Variants in SH3PXD2B observed in about 807,000 individuals in gnomAD.
The protein encoded by SH3PXD2B is SH3 and PX domain-containing protein 2B.
A neutral mutation model predicts 73.1 loss-of-function variants in SH3PXD2B; 37 were observed. The ratio of observed to expected loss-of-function variants is 0.51; its 90% CI spans 0.39 to 0.67. The LOEUF is 0.67. Ranked by LOEUF, SH3PXD2B falls within the 30% of genes least tolerant of loss-of-function variation. SH3PXD2B has a pLI of 0.00. For missense variants in SH3PXD2B, 1,053 were observed against 1,197.8 expected (o/e 0.88, Z 1.78); for synonymous variants, 457 against 480.5 (o/e 0.95, Z 0.64).
rs1394408957 is a variant in SH3PXD2B, at chr5:172,353,500, A to T, written c.785+388T>A. ...AGGGCAGATTATCAGCCTAGGACGA[A>T]TTACAGTCCATGAGTGTTTATGCAC... On this transcript the variant is annotated intron_variant, in intron 9 of 12. Transcript: ENST00000311601. This position sits in a 1 kb window ranked among gnomAD's most constrained non-coding sequence, Gnocchi z 4.3. Among the ~76,000 whole-genome samples the T allele has an allele frequency of 6.6e-6, 1 of 152,166 alleles. No individual in the cohort carries two copies. Among genetic ancestry groups the T allele is most frequent in the African/African-American group, 2.4e-5 (1 of 41,440 alleles).
chr5:172,351,174 G>A (rs1168763187), intron 9 of SH3PXD2B, among the ~76,000 whole-genome samples: 2 of 152,152 alleles, frequency 1.3e-5, no homozygotes, highest in Non-Finnish European at 2.9e-5. Flanking sequence ...CTGTCACCCA[G>A]GCCAGAGTGC....
Position 172,439,267 on chromosome 5 carries a change from AAACAAAAACAAAACAAAAAAAAAACC to A in SH3PXD2B, c.75+14985_75+15010del, listed in dbSNP as rs1561583449. On this transcript the variant is annotated intron_variant, in intron 1 of 12. Coordinates refer to ENST00000311601, the MANE Select transcript of SH3PXD2B (RefSeq NM_001017995.3). The stretch of plus-strand genomic sequence containing the variant: ...AAAAAAAAAGAAAAAAAAAAAACAA[AAACAAAAACAAAACAAAAAAAAAACC>A]CCAAAAAAAAACCACAGGCATCGGC... Among the ~76,000 whole-genome samples, 142 of 62,916 alleles carry A rather than the reference AAACAAAAACAAAACAAAAAAAAAACC, an allele frequency of 2.3e-3. 6 individuals carry two copies. The highest frequency in any genetic ancestry group is 8.5e-3 in the African/African-American group (133 of 15,672). 41.3% of individuals were successfully genotyped at this position (62,916 alleles called of 152,430 possible). A position where few individuals can be genotyped will look rare whatever the true frequency, so the allele number is the denominator to read the frequency against.
chr5:172,440,428 A>G (rs1759530625), intron 1 of SH3PXD2B, among the ~76,000 whole-genome samples: 1 of 152,188 alleles, frequency 6.6e-6, no homozygotes. Flanking sequence ...CTGTGCCTGG[A>G]TCAGGAGTCT....
rs575292469 is a variant in SH3PXD2B at position 172,381,018 on chromosome 5, A to T, written c.401+1018T>A. Among the ~76,000 whole-genome samples, 3 of 152,306 alleles carry T rather than the reference A, an allele frequency of 2.0e-5. No homozygotes were observed. In the East Asian group the frequency reaches 5.8e-4, roughly 29 times the overall value. The stretch of plus-strand genomic sequence containing the variant: ...TGACTTCACTTGTTAAAACACTTTC[A>T]TGCTTTCTCCTCACAAGTCTATTTA... On this transcript the variant is annotated intron_variant, in intron 5 of 12. Coordinates refer to ENST00000311601, the MANE Select transcript of SH3PXD2B (RefSeq NM_001017995.3).
In SH3PXD2B at chr5:172,353,942, C is replaced by G; in HGVS notation, c.731G>C (p.Arg244Thr). ...ARDQDEMNLE[R>T]GAVVEVIQKN... ...CTGGATGACCTCCACCACAGCCCCT[C>G]TCTCCAGGTTCATTTCATCCTGGTC... The change falls in exon 9 of 13, where the codon AGA becomes ACA. Residue 244 changes from arginine to threonine, a missense_variant. Physicochemically the swap from Arg to Thr is moderately conservative, Grantham distance 71 (BLOSUM62 -1). Coordinates refer to ENST00000311601, the MANE Select transcript of SH3PXD2B (RefSeq NM_001017995.3). This position sits in a 1 kb window ranked among gnomAD's most constrained non-coding sequence, Gnocchi z 4.3. 2 of 1,614,110 alleles carry G rather than the reference C, an allele frequency of 1.2e-6. No homozygotes were observed. Among genetic ancestry groups the G allele is most frequent in the Non-Finnish European group, 8.5e-7 (1 of 1,180,028 alleles).
At position 172,342,299 on chromosome 5, in the gene SH3PXD2B, G is replaced by A. The variant is rs141358185; in HGVS notation, c.1189-2383C>T. ...TCTGGACTCGGAAGATCTGATGAAC[G>A]CTCATGACACCCTGTGAGTGGGGAA... On this transcript the variant is annotated intron_variant, in intron 12 of 12. Transcript: ENST00000311601. Among the ~76,000 whole-genome samples, 33 of 152,292 alleles carry A rather than the reference G, an allele frequency of 2.2e-4. No individual in the cohort carries two copies. The East Asian group carries it at 6.0e-3, about 28-fold the overall frequency.
intron 12 of SH3PXD2B, among the ~76,000 whole-genome samples, chr5:172,343,571 C>T (rs891602073): frequency 5.3e-5 from 8 of 152,040 alleles, no homozygotes; most frequent in Non-Finnish European, 7.4e-5. Flanking sequence ...GAGGCTTAGG[C>T]GGGCGGATCA....
At chr5:172,358,699 T>G (rs1757333380) in intron 8 of SH3PXD2B, 74 bp downstream of exon 8, 2 of 1,395,648 alleles carry the variant, frequency 1.4e-6, no homozygotes, top group Non-Finnish European at 9.9e-7. Flanking sequence ...AGAGATTGGA[T>G]GAAAAGGCAA....
intron 1 of SH3PXD2B, among the ~76,000 whole-genome samples, chr5:172,423,874 C>G (rs1224308812): frequency 1.3e-5 from 2 of 152,136 alleles, no homozygotes; most frequent in Non-Finnish European, 2.9e-5. Context: ...AACTCTTGAC[C>G]TCAAGTGATC....
intron 1 of SH3PXD2B, among the ~76,000 whole-genome samples, chr5:172,449,601 G>C (rs929522157): frequency 1.3e-5 from 2 of 152,152 alleles, no homozygotes; most frequent in African/African-American, 4.8e-5. Flanking sequence ...GGTAATTCAC[G>C]GAAGAGGAAA....
chr5:172,418,572 A>G (rs984832349), intron 2 of SH3PXD2B, among the ~76,000 whole-genome samples: 22 of 152,102 alleles, frequency 1.4e-4, no homozygotes, highest in Admixed American at 1.3e-4. Context: ...AAATCATCTA[A>G]CTCCAGGGTG....
rs779649453 is a variant in SH3PXD2B at position 172,382,090 on chromosome 5, T to C, written c.347A>G (p.Asp116Gly). The C allele has an allele frequency of 6.2e-7, 1 of 1,611,802 alleles. No homozygotes were observed. The highest frequency in any genetic ancestry group is 1.7e-5 in the Admixed American group (1 of 59,728). ...TGTCTCAAAGAACTGCAGCACCTCA[T>C]CACACTGAGAGATGTAGGGGGGCAG... is the stretch of plus-strand genomic sequence containing the variant. ...IQLPPYISQC[D>G]EVLQFFETRP... The change falls in exon 5 of 13, where the codon GAT becomes GGT. Residue 116 changes from aspartate (D) to glycine (G), a missense_variant. Asp to Gly is a moderately conservative substitution (Grantham distance 94). Transcript: ENST00000311601.
chr5:172,419,256 G>A (rs1045512213), intron 2 of SH3PXD2B, among the ~76,000 whole-genome samples: 1 of 152,170 alleles, frequency 6.6e-6, no homozygotes, highest in African/African-American at 2.4e-5. Context: ...CTTGCACAGG[G>A]CCTGGACGCG....
At chr5:172,389,331 G>A (rs1338530029) in intron 4 of SH3PXD2B, among the ~76,000 whole-genome samples, 1 of 151,970 alleles carries the variant, frequency 6.6e-6, no homozygotes, top group Non-Finnish European at 1.5e-5. Flanking sequence ...TGGAATTACA[G>A]GCATGAGCCA....
chr5:172,449,700 T>C (rs531853035), intron 1 of SH3PXD2B, among the ~76,000 whole-genome samples: 6 of 152,274 alleles, frequency 3.9e-5, no homozygotes, highest in Admixed American at 3.3e-4. Flanking sequence ...TGGCAAAGAC[T>C]GAAAAGTCTG....
chr5:172,377,779 C>T (rs556405524), intron 5 of SH3PXD2B, among the ~76,000 whole-genome samples: 1 of 152,298 alleles, frequency 6.6e-6, no homozygotes, highest in South Asian at 2.1e-4. Flanking sequence ...TAGCTTATCT[C>T]AGCTGTTACT....
At chr5:172,350,672 C>T in intron 9 of SH3PXD2B, 83 bp from the exon 10 acceptor site, 1 of 1,394,606 alleles carries the variant, frequency 7.2e-7, no homozygotes, top group Non-Finnish European at 9.9e-7. Context: ...AATCACATGA[C>T]AGGTCCCAGG....
intron 1 of SH3PXD2B, 45 bp downstream of exon 1, chr5:172,454,233 A>G (rs1489558574): frequency 1.1e-5 from 17 of 1,543,244 alleles, no homozygotes; most frequent in Non-Finnish European, 1.2e-5. Context: ...GTCGCCCCCG[A>G]CGGGGCGCGG....
intron 4 of SH3PXD2B, among the ~76,000 whole-genome samples, chr5:172,394,292 A>G (rs1392434462): frequency 6.6e-6 from 1 of 152,260 alleles, no homozygotes; most frequent in Non-Finnish European, 1.5e-5. Context: ...TAATTATGGC[A>G]AAAGAGAAAG....
Sources: allele counts gnomAD v4.1 joint callset (sites outside exome capture counted in the v4.1 genomes callset), GRCh38; gene constraint gnomAD v4.1.1; non-coding constraint Gnocchi (gnomAD v3.1); transcripts MANE v1.5; gene names NCBI Gene and HGNC (gene_info 2026-07-23, HGNC 2026-07-21).